WDFY4: variants seen among roughly 807,000 people sequenced by gnomAD.
WDFY4 encodes the protein WDFY family member 4, also known as WD repeat- and FYVE domain-containing protein 4.
WDFY4 carries 169 observed loss-of-function variants against 351.9 expected under a neutral mutation model. The observed-to-expected ratio is 0.48, with a 90% CI of 0.42 to 0.55. WDFY4 has a LOEUF of 0.55. Ranked by LOEUF, WDFY4 falls within the 20% of genes least tolerant of loss-of-function variation. The pLI is 0.00. For synonymous variants in WDFY4, 1,622 were observed against 1,574.6 expected, an observed-to-expected ratio of 1.03 and a Z score of -0.71; for missense variants, 3,803 against 3,935.6, an observed-to-expected ratio of 0.97 and a Z score of 0.90.
At chr10:48,865,466 T>C (rs1417680870) in intron 39 of WDFY4, among the ~76,000 whole-genome samples, 2 of 152,192 alleles carry the variant, frequency 1.3e-5, no homozygotes, top group African/African-American at 4.8e-5. Context: ...ATTCAGTTTG[T>C]TGATATTTTG....
chr10:48,700,188 C>T (rs562517215), intron 1 of WDFY4, among the ~76,000 whole-genome samples: 1 of 152,326 alleles, frequency 6.6e-6, no homozygotes, highest in Non-Finnish European at 1.5e-5. Flanking sequence ...TCTCAGAGCA[C>T]TGGTCCTTCA....
chr10:48,964,224 G>T (rs1255955538), intron 54 of WDFY4, among the ~76,000 whole-genome samples, 170 bp downstream of exon 54: 4 of 152,202 alleles, frequency 2.6e-5, no homozygotes, highest in Non-Finnish European at 5.9e-5. Flanking sequence ...ACCTGATGTT[G>T]ATGCATATGA....
chr10:48,796,426 C>G lies in WDFY4; in HGVS notation c.4386C>G (p.Phe1462Leu). The change falls in exon 24 of 62, where the codon TTC (phenylalanine) becomes TTG (leucine). Residue 1462 changes from phenylalanine to leucine, a missense_variant. By Grantham distance (22) the Phe-to-Leu change is conservative (BLOSUM62 0). Transcript: ENST00000325239. ...RSSAITNTGVFQHILCNFELW... is the reference protein window; with the variant it reads ...RSSAITNTGVLQHILCNFELW... ...CTGCTATCACCAACACTGGTGTCTTCCAGCACATCCTCTGCAATTTCGAGG... is the reference window on the plus strand; with the variant it reads ...CTGCTATCACCAACACTGGTGTCTTGCAGCACATCCTCTGCAATTTCGAGG... 6.4e-7 allele frequency: 1 copy of G among 1,551,796 alleles called. No individual in the cohort carries two copies. The highest frequency in any genetic ancestry group is 8.7e-7 in the Non-Finnish European group (1 of 1,147,052).
intron 1 of WDFY4, among the ~76,000 whole-genome samples, chr10:48,703,374 C>G (rs1474785364): frequency 6.6e-6 from 1 of 152,206 alleles, no homozygotes; most frequent in Non-Finnish European, 1.5e-5. Flanking sequence ...TCCCCAGCTC[C>G]AAGGCCTGAG....
intron 27 of WDFY4, 75 bp from the exon 28 acceptor site, chr10:48,807,784 A>G: frequency 6.7e-7 from 1 of 1,488,436 alleles, no homozygotes; most frequent in Non-Finnish European, 9.1e-7. Context: ...CATTTGGTGA[A>G]TATGATTGCT....
intron 39 of WDFY4, among the ~76,000 whole-genome samples, chr10:48,848,276 C>T (rs936163430): frequency 2.0e-5 from 3 of 152,372 alleles, no homozygotes; most frequent in South Asian, 4.1e-4. Flanking sequence ...AGCATTTCAT[C>T]TCCTGGTGTT....
In WDFY4 at chr10:48,946,916, G is replaced by A. The variant is rs371298089; in HGVS notation, c.7924G>A (p.Ala2642Thr). The change falls in exon 51 of 62, where the codon GCC (alanine) becomes ACC (threonine). Residue 2642 changes from alanine to threonine, a missense_variant. Physicochemically the swap from Ala to Thr is moderately conservative, Grantham distance 58 (BLOSUM62 0). This residue lies in a region of WDFY4 where 3,054 missense variants were observed against 3,148.6 expected (regional missense o/e 0.97). Transcript: ENST00000325239. ...CCACTACTCCTCGGCCATCATCGTGGCCTCCTACCTGGTCCGGATGCCACC... is the reference window on the plus strand; with the variant it reads ...CCACTACTCCTCGGCCATCATCGTGACCTCCTACCTGGTCCGGATGCCACC... ...YTHYSSAIIV[A>T]SYLVRMPPFT... The A allele has an allele frequency of 7.7e-5, 120 of 1,551,804 alleles. No homozygotes were observed. Among genetic ancestry groups the A allele is most frequent in the Non-Finnish European group, 1.0e-4 (120 of 1,147,050 alleles).
chr10:48,709,026 GC>G, intron 1 of WDFY4, among the ~76,000 whole-genome samples: 2 of 149,562 alleles, frequency 1.3e-5, no homozygotes, highest in Middle Eastern at 3.5e-3. Context: ...CCCCAAACAG[GC>G]TTTAGTGTGA....
intron 51 of WDFY4, among the ~76,000 whole-genome samples, chr10:48,955,817 C>T (rs375368377): frequency 6.6e-6 from 1 of 152,226 alleles, no homozygotes; most frequent in Non-Finnish European, 1.5e-5. Context: ...AGACCCTCAG[C>T]CCTCTGAGCA....
At chr10:48,718,321 T>C (rs781680232) in intron 2 of WDFY4, among the ~76,000 whole-genome samples, 4 of 152,214 alleles carry the variant, frequency 2.6e-5, no homozygotes, top group Non-Finnish European at 4.4e-5. Context: ...TTTCACTTTG[T>C]TTATAGAATC....
At chr10:48,981,321 G>A (rs1436858448) in intron 60 of WDFY4, 46 bp from the exon 61 acceptor site, 14 of 1,529,522 alleles carry the variant, frequency 9.2e-6, no homozygotes, top group Middle Eastern at 1.7e-4. Flanking sequence ...CTGTATGTGC[G>A]AAGCCGATCT....
At chr10:48,692,912 C>T (rs1169419892) in intron 1 of WDFY4, among the ~76,000 whole-genome samples, 1 of 152,102 alleles carries the variant, frequency 6.6e-6, no homozygotes, top group Non-Finnish European at 1.5e-5. Context: ...CAGGATGGCC[C>T]AATAGTGGGA....
intron 3 of WDFY4, 101 bp from the exon 4 acceptor site, chr10:48,721,160 A>G (rs1481205060): frequency 8.7e-7 from 1 of 1,154,270 alleles, no homozygotes; most frequent in Non-Finnish European, 1.3e-6. Flanking sequence ...AAAGTCCTCT[A>G]CAGATGCTCA....
chr10:48,928,016 C>A (rs181464301), intron 47 of WDFY4, among the ~76,000 whole-genome samples: 2 of 152,174 alleles, frequency 1.3e-5, no homozygotes, highest in African/African-American at 4.8e-5. Context: ...CAGACCTGGC[C>A]CCTTTGAAGC....
chr10:48,760,806 C>T (rs1025639685), intron 13 of WDFY4, among the ~76,000 whole-genome samples: 13 of 152,214 alleles, frequency 8.5e-5, no homozygotes, highest in African/African-American at 3.1e-4. Flanking sequence ...GTTCATCTCT[C>T]TCCTGGATGC....
intron 51 of WDFY4, 130 bp downstream of exon 51, chr10:48,947,099 T>A (rs981910825): frequency 4.0e-6 from 3 of 753,044 alleles, no homozygotes; most frequent in Non-Finnish European, 6.3e-6. Flanking sequence ...CATTAGCCAG[T>A]GATTCCCAGT....
chr10:48,837,623 T>A (rs2068448627), intron 39 of WDFY4, among the ~76,000 whole-genome samples: 1 of 152,136 alleles, frequency 6.6e-6, no homozygotes, highest in Non-Finnish European at 1.5e-5. Context: ...AGGGCAGGCC[T>A]GGCTCTGAGA....
intron 24 of WDFY4, among the ~76,000 whole-genome samples, chr10:48,797,811 C>T (rs1031740842): frequency 6.6e-6 from 1 of 152,130 alleles, no homozygotes; most frequent in African/African-American, 2.4e-5. Flanking sequence ...AGAATAAAGG[C>T]ATTATGAACA....
intron 1 of WDFY4, among the ~76,000 whole-genome samples, chr10:48,703,064 T>C (rs2063524477): frequency 6.6e-6 from 1 of 152,204 alleles, no homozygotes; most frequent in Admixed American, 6.5e-5. Context: ...TCTCCTCTTT[T>C]TAATTTGGTT....
Sources: allele counts gnomAD v4.1 joint callset (sites outside exome capture counted in the v4.1 genomes callset), GRCh38; gene constraint gnomAD v4.1.1; regional missense constraint gnomAD v4.1.1; transcripts MANE v1.5; gene names NCBI Gene and HGNC (gene_info 2026-07-23, HGNC 2026-07-21).